SLC35F4: variants seen among roughly 807,000 people sequenced by gnomAD.
SLC35F4 encodes chromosome 14 open reading frame 36.
A neutral mutation model predicts 44.2 loss-of-function variants in SLC35F4; 24 were observed. The ratio of observed to expected loss-of-function variants is 0.54; its 90% confidence interval spans 0.39 to 0.76. The LOEUF (loss-of-function observed/expected upper bound fraction) is 0.76. SLC35F4 is among the 30% of genes least tolerant of loss of function. SLC35F4 has a pLI of 0.00. For synonymous variants in SLC35F4, 238 were observed against 223.6 expected, an observed-to-expected ratio of 1.06 and a Z score of -0.57; for missense variants, 562 against 586.1, an observed-to-expected ratio of 0.96 and a Z score of 0.42.
intron 2 of SLC35F4, among the ~76,000 whole-genome samples, chr14:57,590,963 G>A (rs1057325154): frequency 1.3e-5 from 2 of 152,198 alleles, no homozygotes; most frequent in Non-Finnish European, 2.9e-5. Context: ...TTGGGGGAAA[G>A]GAGAAGAGAG....
chr14:57,854,573 A>G (rs1274465114), intron 1 of SLC35F4, among the ~76,000 whole-genome samples: 1 of 151,926 alleles, frequency 6.6e-6, no homozygotes, highest in African/African-American at 2.4e-5. Flanking sequence ...TCCCATCTTC[A>G]CCCCATCCTA....
intron 1 of SLC35F4, among the ~76,000 whole-genome samples, chr14:57,734,134 C>T (rs550656003): frequency 5.3e-5 from 8 of 152,192 alleles, no homozygotes; most frequent in Non-Finnish European, 8.8e-5. Context: ...TCCCTGGGAA[C>T]ATTGAGATAT....
chr14:57,649,076 C>T (rs1207834700), intron 1 of SLC35F4, among the ~76,000 whole-genome samples: 1 of 152,178 alleles, frequency 6.6e-6, no homozygotes, highest in Non-Finnish European at 1.5e-5. Flanking sequence ...CTCAGAGATG[C>T]CTTCCTGATC....
intron 1 of SLC35F4, among the ~76,000 whole-genome samples, chr14:57,645,189 T>A (rs886239970): frequency 2.0e-5 from 3 of 152,214 alleles, no homozygotes; most frequent in African/African-American, 7.2e-5. Context: ...GGGATGGCAT[T>A]GAATCTATAA....
chr14:57,642,452 A>G (rs2073293200), intron 1 of SLC35F4, among the ~76,000 whole-genome samples: 1 of 151,998 alleles, frequency 6.6e-6, no homozygotes. Flanking sequence ...TATAAGATAC[A>G]GATTTTTTCT....
chr14:57,658,747 G>C (rs1223973317), intron 1 of SLC35F4, among the ~76,000 whole-genome samples: 2 of 152,146 alleles, frequency 1.3e-5, no homozygotes, highest in Non-Finnish European at 2.9e-5. Flanking sequence ...CAGATATATG[G>C]ATGTCACCTG....
intron 1 of SLC35F4, among the ~76,000 whole-genome samples, chr14:57,760,156 A>G (rs1363532515): frequency 6.6e-6 from 1 of 151,900 alleles, no homozygotes; most frequent in Non-Finnish European, 1.5e-5. Context: ...GGAGTTTTAT[A>G]GTTTTGGGTC....
chr14:57,902,912 C>A (rs1038123277), intron 1 of SLC35F4, among the ~76,000 whole-genome samples: 4 of 152,132 alleles, frequency 2.6e-5, no homozygotes, highest in African/African-American at 9.7e-5. Flanking sequence ...ATCAGAGAGG[C>A]CTTCCCAAAC....
intron 1 of SLC35F4, among the ~76,000 whole-genome samples, chr14:57,663,571 G>A (rs1475100811): frequency 6.6e-6 from 1 of 152,170 alleles, no homozygotes; most frequent in Admixed American, 6.6e-5. Context: ...CACAGAGCCA[G>A]CATGAAGTTG....
At chr14:57,640,687 T>G (rs1380974835) in intron 1 of SLC35F4, among the ~76,000 whole-genome samples, 3 of 152,028 alleles carry the variant, frequency 2.0e-5, no homozygotes, top group Non-Finnish European at 2.9e-5. Context: ...GCAAGTATAG[T>G]CACACAGAGC....
At chr14:57,686,084 G>A (rs2075058954) in intron 1 of SLC35F4, among the ~76,000 whole-genome samples, 1 of 152,102 alleles carries the variant, frequency 6.6e-6, no homozygotes, top group South Asian at 2.1e-4. Flanking sequence ...TGTTTGAGAT[G>A]GGCGAGATTA....
chr14:57,968,041 C>T (rs1053981323), intron 1 of SLC35F4, among the ~76,000 whole-genome samples: 9 of 152,248 alleles, frequency 5.9e-5, no homozygotes, highest in Non-Finnish European at 8.8e-5. Context: ...GACTTATAAC[C>T]TTGAGATCAT....
intron 1 of SLC35F4, among the ~76,000 whole-genome samples, chr14:57,617,673 G>A (rs1373311705): frequency 1.3e-5 from 2 of 152,142 alleles, no homozygotes; most frequent in Admixed American, 6.5e-5. Flanking sequence ...CAATAGTATG[G>A]ATAAGCAGTG....
chr14:57,827,129 C>T (rs1883867529), intron 1 of SLC35F4, among the ~76,000 whole-genome samples: 1 of 152,194 alleles, frequency 6.6e-6, no homozygotes, highest in South Asian at 2.1e-4. Flanking sequence ...CAATAATAGA[C>T]TGGATAAAGA....
chr14:57,614,396 T>C (rs2071686016), intron 1 of SLC35F4, among the ~76,000 whole-genome samples: 2 of 152,204 alleles, frequency 1.3e-5, no homozygotes, highest in Non-Finnish European at 2.9e-5. Context: ...TTAATTTCCC[T>C]TAAATCCTAG....
chr14:57,901,718 AAAT>A (rs1339505444), intron 1 of SLC35F4, among the ~76,000 whole-genome samples: 3 of 152,232 alleles, frequency 2.0e-5, no homozygotes, highest in South Asian at 2.1e-4. Flanking sequence ...AATGCCTAAT[AAAT>A]AATATTTGCG....
Position 57,667,813 on chromosome 14 carries a change from T to C in SLC35F4, c.104-73689A>G, listed in dbSNP as rs559985770. On this transcript the variant is annotated intron_variant, in intron 1 of 7. Transcript: ENST00000556826. ...TAAACATACAGTGCATGTGTCTTTA[T>C]AGCAGCATGATTTATAATTCTTTGG... Among the ~76,000 whole-genome samples, 171 of 151,624 alleles carry C rather than the reference T, an allele frequency of 1.1e-3. 1 individual carries two copies. The highest frequency in any genetic ancestry group is 4.0e-3 in the African/African-American group (166 of 41,102).
At chr14:57,869,076 G>A (rs1172694072), upstream of SLC35F4, among the ~76,000 whole-genome samples, 1 of 151,888 alleles carries the variant, frequency 6.6e-6, no homozygotes, top group Non-Finnish European at 1.5e-5. Context: ...CAAGCAGAGG[G>A]TATCTATCTG....
At chr14:57,657,485 A>C (rs1045848994) in intron 1 of SLC35F4, among the ~76,000 whole-genome samples, 1 of 151,938 alleles carries the variant, frequency 6.6e-6, no homozygotes, top group Non-Finnish European at 1.5e-5. Flanking sequence ...GACATAATTT[A>C]CCCTACCACC....
Sources: gnomAD v4.1 joint callset for allele counts (sites outside exome capture counted in the v4.1 genomes callset) on GRCh38, gnomAD v4.1.1 for gene constraint, MANE v1.5 for transcripts, NCBI Gene and HGNC (gene_info 2026-07-23, HGNC 2026-07-21) for gene names.